Variants in FCN2 observed in about 807,000 individuals in gnomAD.
FCN2 encodes ficolin 2.
A neutral mutation model predicts 32.5 loss-of-function variants in FCN2; 31 were observed. The ratio of observed to expected loss-of-function variants is 0.96; its 90% CI spans 0.72 to 1.29. The LOEUF (loss-of-function observed/expected upper bound fraction) is 1.29, where lower values mean the gene tolerates loss of function less well. Among genes scored for constraint, FCN2 ranks in the 50% most tolerant of loss-of-function variants. The pLI is 0.00. For missense variants in FCN2, 412 were observed against 406.5 expected, an observed-to-expected ratio of 1.01 and a Z score of -0.12; for synonymous variants, 181 against 164.5, an observed-to-expected ratio of 1.10 and a Z score of -0.77.
At position 134,884,759 on chromosome 9, in the gene FCN2, G is replaced by A. The variant is rs1191586037; in HGVS notation, c.288G>A (p.Gln96=). The change falls in exon 4 of 8, where the codon CAG becomes CAA. Residue 96 remains glutamine, a synonymous_variant. Coordinates refer to ENST00000291744, the MANE Select transcript of FCN2 (RefSeq NM_004108.3). ...GAACAGGAGCACCTGGGGAGCCCCA[G>A]CCGTGCCTGACAGGTGACTGACCAC... The part of the protein sequence containing the change: ...PGPNGAPGEP[Q]PCLTGPRTCK... 2 of 1,613,968 alleles carry A rather than the reference G, an allele frequency of 1.2e-6. No homozygotes were observed. The highest frequency in any genetic ancestry group is 1.3e-5 in the African/African-American group (1 of 74,940).
At chr9:134,874,818 G>C in the FCN2 span, among the ~76,000 whole-genome samples, 1 of 152,080 alleles carries the variant, frequency 6.6e-6, no homozygotes, top group African/African-American at 2.4e-5. Context: ...TAACATTATT[G>C]AATATTCCTA....
At chr9:134,884,052 G>C (rs1398101801) in intron 3 of FCN2, among the ~76,000 whole-genome samples, 2 of 151,920 alleles carry the variant, frequency 1.3e-5, no homozygotes, top group African/African-American at 4.8e-5. Flanking sequence ...ATGAGGCCCT[G>C]TCTTGTCCCC....
Position 134,885,893 on chromosome 9 carries a change from C to A in FCN2, c.555C>A (p.Ala185=), listed in dbSNP as rs748197758. The A allele has an allele frequency of 8.7e-6, 14 of 1,612,556 alleles. No individual in the cohort carries two copies. The highest frequency in any genetic ancestry group is 1.7e-4 in the Middle Eastern group (1 of 6,050). ...ATGACAACATCCACGCCCTGACCGC[C>A]CAGGGTAGGGCCGCTGCTGGGGCTT... ...LGNDNIHALT[A]QGTSELRVDL... is the part of the protein sequence containing the mutation. The change falls in exon 6 of 8, where the codon GCC becomes GCA. Residue 185 remains alanine (A), a synonymous_variant. Coordinates refer to ENST00000291744, the MANE Select transcript of FCN2 (RefSeq NM_004108.3).
the FCN2 span, among the ~76,000 whole-genome samples, chr9:134,864,724 G>A: frequency 3.3e-4 from 51 of 152,304 alleles, no homozygotes; most frequent in Admixed American, 8.5e-4. Context: ...AGCTGACAGC[G>A]GCCACCTGCT....
chr9:134,879,853 G>A (rs546420985), upstream of FCN2, among the ~76,000 whole-genome samples: 3 of 152,284 alleles, frequency 2.0e-5, no homozygotes, highest in South Asian at 4.2e-4. Flanking sequence ...GGCAGGGTGC[G>A]GTGGTGGTAG....
intron 1 of FCN2, among the ~76,000 whole-genome samples, chr9:134,881,509 C>T (rs1381232456): frequency 6.6e-6 from 1 of 152,176 alleles, no homozygotes; most frequent in Non-Finnish European, 1.5e-5. Flanking sequence ...AAACCATGGG[C>T]TCCGGCGCAT....
chr9:134,880,343 G>A (rs1450182327), upstream of FCN2, among the ~76,000 whole-genome samples: 3 of 152,200 alleles, frequency 2.0e-5, no homozygotes, highest in Non-Finnish European at 4.4e-5. Flanking sequence ...CCTGAGGAGA[G>A]TCCCAAGTCT....
chr9:134,879,175 TC>T (rs1830630295), upstream of FCN2, among the ~76,000 whole-genome samples: 1 of 152,236 alleles, frequency 6.6e-6, no homozygotes, highest in South Asian at 2.1e-4. Context: ...CGGTAAGTTT[TC>T]CGCATAAATG....
At chr9:134,884,890 G>A in intron 4 of FCN2, 118 bp downstream of exon 4, 1 of 962,814 alleles carries the variant, frequency 1.0e-6, no homozygotes, top group East Asian at 2.6e-5. Flanking sequence ...GAAAATGGTT[G>A]CTTGCCCGTT....
At chr9:134,873,335 T>C in the FCN2 span, among the ~76,000 whole-genome samples, 1 of 152,220 alleles carries the variant, frequency 6.6e-6, no homozygotes, top group Non-Finnish European at 1.5e-5. Context: ...GGGTTCCTTC[T>C]GGAGGCTTCT....
intron 2 of FCN2, 37 bp from the exon 3 acceptor site, chr9:134,883,265 G>A: frequency 1.3e-6 from 2 of 1,567,610 alleles, no homozygotes; most frequent in Non-Finnish European, 1.8e-6. Flanking sequence ...CCTGGGCTGG[G>A]CAGTTTTCCT....
chr9:134,885,898 G>A lies in FCN2; in HGVS notation c.559+1G>A. ...AACATCCACGCCCTGACCGCCCAGG[G>A]TAGGGCCGCTGCTGGGGCTTGGGGG... On this transcript the variant is annotated splice_donor_variant, in intron 6 of 7. Coordinates refer to ENST00000291744, the MANE Select transcript of FCN2 (RefSeq NM_004108.3). LOFTEE classifies it high-confidence loss of function. 2 of 1,611,244 alleles carry A rather than the reference G, an allele frequency of 1.2e-6. No homozygotes were observed. Among genetic ancestry groups the A allele is most frequent in the South Asian group, 1.1e-5 (1 of 90,676 alleles).
chr9:134,876,884 G>A (rs6537956), upstream of FCN2, among the ~76,000 whole-genome samples: 2 of 131,120 alleles, frequency 1.5e-5, no homozygotes, highest in Admixed American at 1.5e-4. Context: ...GTTTGACTTA[G>A]GTATTTCTTG....
the FCN2 span, chr9:134,868,192 A>G: frequency 1.3e-5 from 2 of 152,214 alleles, no homozygotes; most frequent in Non-Finnish European, 2.9e-5. The surrounding 1 kb of genome is among the most constrained non-coding windows in gnomAD (Gnocchi z 4.3). Flanking sequence ...GGCTCCCTGG[A>G]ACTTCATGGA....
rs1036646634 is a variant in FCN2 at position 134,887,465 on chromosome 9, G to T, written c.*50G>T. 8 of 1,585,376 alleles carry T rather than the reference G, an allele frequency of 5.0e-6. No individual in the cohort carries two copies. Among genetic ancestry groups the T allele is most frequent in the Admixed American group, 1.7e-5 (1 of 59,462 alleles). ...CGCCTCCACACATAGTTGGTTGGGG[G>T]GTAGGGTTGGGAGCTTGGCCCTACG... On this transcript the variant is annotated 3_prime_UTR_variant, in exon 8 of 8. Transcript: ENST00000291744.
chr9:134,871,172 A>G, the FCN2 span, among the ~76,000 whole-genome samples: 1 of 152,064 alleles, frequency 6.6e-6, no homozygotes, highest in Non-Finnish European at 1.5e-5. Flanking sequence ...AATTTACTCA[A>G]CGTGTGATCC....
intron 6 of FCN2, 68 bp from the exon 7 acceptor site, chr9:134,886,362 G>C: frequency 3.1e-6 from 5 of 1,596,316 alleles, no homozygotes; most frequent in Non-Finnish European, 4.3e-6. Context: ...CCCTGCCCCA[G>C]ATCCCCAGCT....
intron 7 of FCN2, 53 bp downstream of exon 7, chr9:134,886,617 A>C: frequency 1.9e-6 from 3 of 1,604,176 alleles, no homozygotes; most frequent in Non-Finnish European, 2.6e-6. Context: ...GGGTTTGGGA[A>C]GTGGAGAGAG....
At chr9:134,882,356 C>G (rs886564416) in intron 1 of FCN2, among the ~76,000 whole-genome samples, 170 bp from the exon 2 acceptor site, 1 of 152,248 alleles carries the variant, frequency 6.6e-6, no homozygotes, top group African/African-American at 2.4e-5. Context: ...GCAGGAAAAC[C>G]TCCCTTCCAG....
Sources: allele counts gnomAD v4.1 joint callset (sites outside exome capture counted in the v4.1 genomes callset), GRCh38; gene constraint gnomAD v4.1.1; non-coding constraint Gnocchi (gnomAD v3.1); transcripts MANE v1.5; gene names NCBI Gene and HGNC (gene_info 2026-07-23, HGNC 2026-07-21).